The following TTC6 variants were observed in gnomAD, a reference collection of about 807,000 sequenced individuals.
TTC6 encodes the protein tetratricopeptide repeat protein 6.
Under a neutral mutation model 210.4 loss-of-function variants are expected in TTC6, and 172 were observed. The ratio of observed to expected loss-of-function variants is 0.82; its 90% confidence interval spans 0.72 to 0.93. The LOEUF is 0.93. Ranked by LOEUF, TTC6 falls within the 40% of genes least tolerant of loss-of-function variation. The pLI is 0.00. For missense variants in TTC6, 2,414 were observed against 2,318.1 expected (o/e 1.04, Z -0.85); for synonymous variants, 804 against 819.6 (o/e 0.98, Z 0.32).
At chr14:37,657,897 C>A (rs1253160788) in intron 1 of TTC6, among the ~76,000 whole-genome samples, 4 of 152,004 alleles carry the variant, frequency 2.6e-5, no homozygotes, top group African/African-American at 4.8e-5. Context: ...TTTTGTCTGA[C>A]CTTGCAGGAT....
chr14:37,726,628 A>C (rs1254843830), intron 7 of TTC6, among the ~76,000 whole-genome samples: 1 of 152,104 alleles, frequency 6.6e-6, no homozygotes, highest in African/African-American at 2.4e-5. Flanking sequence ...TTAACTGGAT[A>C]GCATTTCATC....
intron 1 of TTC6, among the ~76,000 whole-genome samples, chr14:37,626,941 A>G (rs2139320673): frequency 6.6e-6 from 1 of 152,196 alleles, no homozygotes; most frequent in East Asian, 1.9e-4. Context: ...ATTTGTTCAC[A>G]CTCAAATCTC....
intron 1 of TTC6, among the ~76,000 whole-genome samples, chr14:37,602,964 C>T (rs576268374): frequency 6.6e-6 from 1 of 152,154 alleles, no homozygotes; most frequent in East Asian, 1.9e-4. Flanking sequence ...ATGAACCTCT[C>T]CCTACACCCC....
chr14:37,677,689 T>A (rs1288839837), intron 1 of TTC6, among the ~76,000 whole-genome samples: 2 of 152,064 alleles, frequency 1.3e-5, no homozygotes, highest in Non-Finnish European at 2.9e-5. Context: ...CAATTAAATA[T>A]ATGTTAGACT....
intron 15 of TTC6, among the ~76,000 whole-genome samples, chr14:37,789,308 A>G (rs2096074156): frequency 6.8e-6 from 1 of 146,940 alleles, no homozygotes; most frequent in African/African-American, 2.6e-5. Flanking sequence ...GAGAGGTTAA[A>G]TAATATTTTT....
chr14:37,622,355 G>A (rs1419472007), exon 1 of TTC6: 3 of 1,531,046 alleles, frequency 2.0e-6, no homozygotes, highest in Non-Finnish European at 2.6e-6. Flanking sequence ...TCGGAGGCGC[G>A]CCGCGTCCCT....
chr14:37,681,248 C>T (rs751518381), intron 2 of TTC6, among the ~76,000 whole-genome samples: 2 of 152,056 alleles, frequency 1.3e-5, no homozygotes, highest in Non-Finnish European at 2.9e-5. Context: ...CTTCTGACCT[C>T]GACGCCTCTA....
intron 1 of TTC6, among the ~76,000 whole-genome samples, chr14:37,654,406 A>G (rs1229390078): frequency 6.6e-6 from 1 of 152,140 alleles, no homozygotes; most frequent in African/African-American, 2.4e-5. Flanking sequence ...AATTAAAAGT[A>G]TGTAGCACCC....
At chr14:37,682,567 C>G (rs2095786265) in intron 2 of TTC6, among the ~76,000 whole-genome samples, 191 bp from the exon 5 acceptor site, 1 of 152,088 alleles carries the variant, frequency 6.6e-6, no homozygotes, top group Non-Finnish European at 1.5e-5. Context: ...AATAATTTGC[C>G]AGCCTTGACA....
intron 14 of TTC6, among the ~76,000 whole-genome samples, chr14:37,768,540 C>T (rs139865940): frequency 1.4e-4 from 22 of 152,142 alleles, no homozygotes; most frequent in African/African-American, 1.9e-4. Flanking sequence ...TGGATTCCTA[C>T]GTATTTTATT....
chr14:37,805,726 G>C (rs1472810090), intron 21 of TTC6, among the ~76,000 whole-genome samples: 1 of 152,054 alleles, frequency 6.6e-6, no homozygotes, highest in Non-Finnish European at 1.5e-5. Flanking sequence ...TTTTGAGATG[G>C]AGTTTCGCTC....
At chr14:37,622,852 C>T in exon 1 of TTC6, 1 of 1,534,406 alleles carries the variant, frequency 6.5e-7, no homozygotes, top group South Asian at 1.2e-5. Context: ...CGGGAGGCCG[C>T]CTGGCAGGCG....
intron 2 of TTC6, among the ~76,000 whole-genome samples, chr14:37,610,670 C>G (rs113844884): frequency 6.6e-6 from 1 of 152,156 alleles, no homozygotes; most frequent in African/African-American, 2.4e-5. Context: ...TCCCGACTGC[C>G]GTAGTACTGC....
intron 1 of TTC6, among the ~76,000 whole-genome samples, chr14:37,625,919 G>A (rs1324066898): frequency 6.6e-6 from 1 of 152,146 alleles, no homozygotes; most frequent in Non-Finnish European, 1.5e-5. Context: ...ATCTAAACCA[G>A]GATTTCTCAA....
intron 23 of TTC6, 71 bp from the exon 26 acceptor site, chr14:37,808,662 A>AATTTATTTT: frequency 1.3e-6 from 1 of 797,130 alleles, no homozygotes; most frequent in Non-Finnish European, 2.0e-6. Flanking sequence ...TAGAAACAAG[A>AATTTATTTT]ATTTATTTTA....
intron 10 of TTC6, among the ~76,000 whole-genome samples, chr14:37,747,446 C>T (rs890781657): frequency 3.3e-5 from 5 of 152,124 alleles, no homozygotes; most frequent in Admixed American, 3.3e-4. Context: ...ATTTTCTACT[C>T]CTAAGTTTGA....
exon 10 of TTC6, chr14:37,739,038 G>T (rs1002891731): frequency 2.8e-5 from 43 of 1,535,286 alleles, no homozygotes; most frequent in Non-Finnish European, 3.5e-5. Flanking sequence ...AAAAAAGCTG[G>T]CATTAGTTAC....
At chr14:37,819,399 A>G (rs1229609588) in intron 26 of TTC6, among the ~76,000 whole-genome samples, 1 of 152,168 alleles carries the variant, frequency 6.6e-6, no homozygotes, top group East Asian at 1.9e-4. Context: ...TTCTTTAAAT[A>G]AATAAATTTT....
intron 29 of TTC6, among the ~76,000 whole-genome samples, chr14:37,839,740 G>A (rs556623707): frequency 6.6e-6 from 1 of 152,128 alleles, no homozygotes; most frequent in South Asian, 2.1e-4. Flanking sequence ...TGTCCTGTAT[G>A]GTATCGCCTA....
Sources: allele counts gnomAD v4.1 joint callset (sites outside exome capture counted in the v4.1 genomes callset), GRCh38; gene constraint gnomAD v4.1.1; transcripts MANE v1.5; gene names NCBI Gene and HGNC (gene_info 2026-07-23, HGNC 2026-07-21).